The following RIT2 variants were observed in gnomAD, a reference collection of about 807,000 sequenced individuals.
RIT2 encodes the protein Ras like without CAAX 2.
In RIT2, 24 loss-of-function variants were observed where a neutral mutation model predicts 23.7. That is an observed-to-expected ratio of 1.01 (90% CI 0.73 to 1.43). The LOEUF is 1.43. Ranked by LOEUF, RIT2 falls within the 40% of genes most tolerant of loss-of-function variation. The pLI is 0.00. For synonymous variants in RIT2, 107 were observed against 91.1 expected, an observed-to-expected ratio of 1.17 and a Z score of -0.99; for missense variants, 236 against 266.9, an observed-to-expected ratio of 0.88 and a Z score of 0.81.
At chr18:43,099,184 G>C (rs1913625180) in intron 1 of RIT2, among the ~76,000 whole-genome samples, 1 of 151,932 alleles carries the variant, frequency 6.6e-6, no homozygotes, top group Non-Finnish European at 1.5e-5. Flanking sequence ...TGAAGGTGTG[G>C]GCTCAGGCTA....
intron 1 of RIT2, among the ~76,000 whole-genome samples, chr18:43,105,783 A>G (rs1385935336): frequency 1.3e-5 from 2 of 152,200 alleles, no homozygotes; most frequent in Non-Finnish European, 2.9e-5. Flanking sequence ...TATTCTGAGT[A>G]TGAACCGTTA....
chr18:42,820,741 T>C (rs921651913), intron 4 of RIT2, among the ~76,000 whole-genome samples: 5 of 152,150 alleles, frequency 3.3e-5, no homozygotes, highest in Non-Finnish European at 7.4e-5. Flanking sequence ...TATTGAACCA[T>C]CCTTTCTACA....
chr18:42,759,390 C>T (rs570297660), intron 4 of RIT2, among the ~76,000 whole-genome samples: 147 of 152,156 alleles, frequency 9.7e-4, no homozygotes, highest in Admixed American at 3.9e-3. Flanking sequence ...AAAATGAAAA[C>T]AGTTTGGGAA....
At chr18:42,810,720 G>A (rs1351207917) in intron 4 of RIT2, among the ~76,000 whole-genome samples, 1 of 151,886 alleles carries the variant, frequency 6.6e-6, no homozygotes, top group Non-Finnish European at 1.5e-5. Flanking sequence ...TCTTCAAGAG[G>A]AGAATAGGTG....
At chr18:43,045,311 T>A (rs1036814464) in intron 1 of RIT2, among the ~76,000 whole-genome samples, 1 of 152,170 alleles carries the variant, frequency 6.6e-6, no homozygotes, top group African/African-American at 2.4e-5. Flanking sequence ...ATGTGTATAA[T>A]TTGTCACAGG....
chr18:43,019,558 T>G (rs1364289613), intron 2 of RIT2, among the ~76,000 whole-genome samples: 1 of 151,824 alleles, frequency 6.6e-6, no homozygotes, highest in East Asian at 1.9e-4. Flanking sequence ...AGGCAATATA[T>G]GAGAAACTAA....
intron 4 of RIT2, among the ~76,000 whole-genome samples, chr18:42,902,193 A>T (rs1204902244): frequency 6.6e-6 from 1 of 151,808 alleles, no homozygotes; most frequent in Admixed American, 6.6e-5. Context: ...ATTAATGTCA[A>T]AAGGTATGAC....
intron 1 of RIT2, among the ~76,000 whole-genome samples, chr18:43,099,237 A>G (rs1032039037): frequency 4.6e-5 from 7 of 152,102 alleles, no homozygotes; most frequent in African/African-American, 7.2e-5. Flanking sequence ...GGAAAGCTAT[A>G]GAACTCAATA....
intron 1 of RIT2, among the ~76,000 whole-genome samples, chr18:43,084,295 A>T (rs1913229163): frequency 1.3e-5 from 2 of 152,258 alleles, no homozygotes; most frequent in South Asian, 4.1e-4. Context: ...TGGGAGTGTA[A>T]ATTAGTTCCA....
At chr18:43,007,763 G>A (rs1252442581) in intron 2 of RIT2, among the ~76,000 whole-genome samples, 1 of 151,610 alleles carries the variant, frequency 6.6e-6, no homozygotes, top group Admixed American at 6.6e-5. Flanking sequence ...AAATACTAGA[G>A]AATCATCTCA....
intron 4 of RIT2, among the ~76,000 whole-genome samples, chr18:42,893,936 G>GAAGT (rs1162761954): frequency 6.6e-6 from 1 of 152,138 alleles, no homozygotes; most frequent in African/African-American, 2.4e-5. Context: ...ATGAGCAATA[G>GAAGT]AAGTAATCCC....
chr18:42,856,553 A>G (rs1907186111), intron 4 of RIT2, among the ~76,000 whole-genome samples: 1 of 152,194 alleles, frequency 6.6e-6, no homozygotes. Flanking sequence ...ATTTTTCAGC[A>G]AAACTTCAGA....
At chr18:43,069,107 A>G (rs192216396) in intron 1 of RIT2, among the ~76,000 whole-genome samples, 103 of 152,298 alleles carry the variant, frequency 6.8e-4, no homozygotes, top group Non-Finnish European at 5.7e-4. Flanking sequence ...TTTTGCTTTA[A>G]AGATAGTATC....
intron 3 of RIT2, among the ~76,000 whole-genome samples, chr18:42,954,953 T>C (rs1028669353): frequency 6.6e-6 from 1 of 152,176 alleles, no homozygotes; most frequent in Non-Finnish European, 1.5e-5. Context: ...ACAATACTTG[T>C]GTTGTTGGGC....
chr18:43,078,387 G>C (rs1913074229), intron 1 of RIT2, among the ~76,000 whole-genome samples: 1 of 152,148 alleles, frequency 6.6e-6, no homozygotes, highest in African/African-American at 2.4e-5. Flanking sequence ...CTTCCAGCTA[G>C]TCTTCCTTCC....
At chr18:43,092,000 T>C (rs1252209333) in intron 1 of RIT2, among the ~76,000 whole-genome samples, 1 of 152,158 alleles carries the variant, frequency 6.6e-6, no homozygotes, top group Non-Finnish European at 1.5e-5. Context: ...TCATTCCATA[T>C]ATATTATTTT....
intron 4 of RIT2, among the ~76,000 whole-genome samples, chr18:42,806,125 A>G (rs1217931913): frequency 1.5e-5 from 2 of 135,858 alleles, no homozygotes; most frequent in East Asian, 4.5e-4. Context: ...ATATATATAT[A>G]TATATTTTAC....
chr18:43,068,968 C>T (rs1272968775), intron 1 of RIT2, among the ~76,000 whole-genome samples: 1 of 152,044 alleles, frequency 6.6e-6, no homozygotes, highest in Non-Finnish European at 1.5e-5. Flanking sequence ...GCTGCATTCC[C>T]AGGAAGTTAG....
chr18:42,783,122 C>CAA (rs1425558924), intron 4 of RIT2, among the ~76,000 whole-genome samples: 2 of 152,026 alleles, frequency 1.3e-5, no homozygotes, highest in Non-Finnish European at 2.9e-5. Context: ...AGTGTCTTAC[C>CAA]AAACACGTTT....
Sources: gnomAD v4.1 joint callset for allele counts (sites outside exome capture counted in the v4.1 genomes callset) on GRCh38, gnomAD v4.1.1 for gene constraint, MANE v1.5 for transcripts, NCBI Gene and HGNC (gene_info 2026-07-23, HGNC 2026-07-21) for gene names.